Variants in MRPS28 observed in about 807,000 individuals in gnomAD.
MRPS28 encodes small ribosomal subunit protein bS1m.
In MRPS28, 7 loss-of-function variants were observed where a neutral mutation model predicts 10.8. That is an observed-to-expected ratio of 0.65 (90% CI 0.37 to 1.22). The LOEUF (loss-of-function observed/expected upper bound fraction) is 1.22, where lower values mean the gene tolerates loss of function less well. MRPS28 is among the 50% of genes most tolerant of loss of function. The pLI is 0.02. For synonymous variants in MRPS28, 121 were observed against 93.3 expected (o/e 1.30, Z -1.71); for missense variants, 265 against 232.9 (o/e 1.14, Z -0.90).
At chr8:80,018,295 C>CAAAAAAAAAAAA (rs55883340) in intron 1 of MRPS28, among the ~76,000 whole-genome samples, 1 of 53,078 alleles carries the variant, frequency 1.9e-5, no homozygotes, top group Non-Finnish European at 3.2e-5. Flanking sequence ...TACTCTGTCT[C>CAAAAAAAAAAAA]AAAAAAAAAA....
At chr8:79,954,687 TC>T (rs1187931731) in intron 2 of MRPS28, among the ~76,000 whole-genome samples, 1 of 152,222 alleles carries the variant, frequency 6.6e-6, no homozygotes, top group Admixed American at 6.5e-5. Flanking sequence ...CAGTGTTTCC[TC>T]CACTGCAATT....
At chr8:79,993,015 T>C (rs1808407984) in intron 2 of MRPS28, among the ~76,000 whole-genome samples, 1 of 152,156 alleles carries the variant, frequency 6.6e-6, no homozygotes, top group Admixed American at 6.5e-5. Context: ...AAATTCTGAG[T>C]CCCTATGAGT....
At chr8:80,003,630 T>TG (rs1488173297) in intron 1 of MRPS28, among the ~76,000 whole-genome samples, 4 of 152,200 alleles carry the variant, frequency 2.6e-5, no homozygotes. Flanking sequence ...ATTTCACTGG[T>TG]GCTTGTCGGA....
chr8:80,012,440 A>AC (rs1331939965), intron 1 of MRPS28, among the ~76,000 whole-genome samples: 1 of 152,206 alleles, frequency 6.6e-6, no homozygotes, highest in East Asian at 1.9e-4. Flanking sequence ...ATCCATGTTC[A>AC]CTACAGGGAG....
At chr8:79,930,938 G>A (rs569282520) in intron 2 of MRPS28, among the ~76,000 whole-genome samples, 32 of 152,160 alleles carry the variant, frequency 2.1e-4, no homozygotes, top group African/African-American at 6.5e-4. Flanking sequence ...GTAAATAAGA[G>A]CTTTATTGTT....
chr8:79,930,808 A>G (rs1390842171), intron 2 of MRPS28, among the ~76,000 whole-genome samples: 1 of 152,236 alleles, frequency 6.6e-6, no homozygotes, highest in Non-Finnish European at 1.5e-5. Context: ...CTAAATGCTA[A>G]TATCTTATTC....
chr8:80,010,728 C>T lies in MRPS28; in HGVS notation c.214-7548G>A, dbSNP rs560906251. Among the ~76,000 whole-genome samples, 3 of 152,326 alleles carry T rather than the reference C, an allele frequency of 2.0e-5. No homozygotes were observed. In the South Asian group the frequency reaches 6.2e-4, roughly 32 times the overall value. ...GGCCCACGAACCACAAGTTTATGAC[C>T]TCTGCTTCAGGAAAAAGAAAGTCAC... On this transcript the variant is annotated intron_variant, in intron 1 of 2. Coordinates refer to ENST00000276585, the MANE Select transcript of MRPS28 (RefSeq NM_014018.3).
intron 2 of MRPS28, among the ~76,000 whole-genome samples, chr8:79,992,752 T>C (rs761015796): frequency 3.3e-5 from 5 of 152,188 alleles, no homozygotes; most frequent in South Asian, 2.1e-4. Context: ...GTTAACAATA[T>C]AGAGAAGCTA....
At chr8:80,027,793 A>C (rs745977284) in intron 1 of MRPS28, among the ~76,000 whole-genome samples, 1 of 152,248 alleles carries the variant, frequency 6.6e-6, no homozygotes, top group Non-Finnish European at 1.5e-5. Flanking sequence ...AAGATGTCAA[A>C]GACTTGTGAA....
intron 2 of MRPS28, among the ~76,000 whole-genome samples, chr8:80,002,474 C>T (rs893482259): frequency 2.0e-5 from 3 of 152,154 alleles, no homozygotes; most frequent in African/African-American, 7.2e-5. Context: ...TTCAACCTCT[C>T]CTTGACTCTT....
chr8:79,945,573 G>A (rs1369613226), intron 2 of MRPS28, among the ~76,000 whole-genome samples: 1 of 152,064 alleles, frequency 6.6e-6, no homozygotes, highest in East Asian at 1.9e-4. Flanking sequence ...CAGTGGTGAT[G>A]GTTGCAAAAC....
At chr8:80,030,006 GC>G in intron 1 of MRPS28, 29 bp downstream of exon 1, 3 of 1,599,440 alleles carry the variant, frequency 1.9e-6, no homozygotes, top group Non-Finnish European at 2.6e-6. Context: ...CGTAATTCCC[GC>G]GACTCCCTCT....
intron 2 of MRPS28, among the ~76,000 whole-genome samples, chr8:79,969,209 T>C (rs1044812717): frequency 2.0e-5 from 3 of 152,194 alleles, no homozygotes; most frequent in African/African-American, 7.2e-5. Flanking sequence ...ACAGAACTTA[T>C]TTTCATCTCC....
At chr8:79,991,858 A>G (rs533737312) in intron 2 of MRPS28, among the ~76,000 whole-genome samples, 2 of 152,102 alleles carry the variant, frequency 1.3e-5, no homozygotes, top group South Asian at 4.2e-4. Context: ...AGAATATGGC[A>G]GAAGTGACAA....
intron 2 of MRPS28, among the ~76,000 whole-genome samples, chr8:79,978,439 C>A (rs1055543610): frequency 2.0e-5 from 3 of 152,046 alleles, no homozygotes; most frequent in Non-Finnish European, 1.5e-5. Context: ...TCATCTTCAC[C>A]ATGCATTGTG....
At chr8:79,997,151 T>C (rs546654195) in intron 2 of MRPS28, among the ~76,000 whole-genome samples, 1 of 152,312 alleles carries the variant, frequency 6.6e-6, no homozygotes, top group Non-Finnish European at 1.5e-5. Context: ...GTTTGCTGCA[T>C]TAATATGACA....
At chr8:79,926,722 G>C (rs1185233311) in intron 2 of MRPS28, among the ~76,000 whole-genome samples, 1 of 152,186 alleles carries the variant, frequency 6.6e-6, no homozygotes, top group Non-Finnish European at 1.5e-5. Context: ...AAGGTCCAGA[G>C]ATTACTCTGT....
At chr8:79,929,101 CTT>C (rs1806387626) in intron 2 of MRPS28, among the ~76,000 whole-genome samples, 1 of 152,058 alleles carries the variant, frequency 6.6e-6, no homozygotes, top group Non-Finnish European at 1.5e-5. Flanking sequence ...AGTTCATACT[CTT>C]TATTAAAAAC....
At chr8:79,925,529 T>C (rs1292762155) in intron 2 of MRPS28, among the ~76,000 whole-genome samples, 1 of 152,234 alleles carries the variant, frequency 6.6e-6, no homozygotes, top group Non-Finnish European at 1.5e-5. Flanking sequence ...TTGTCTCTTG[T>C]TCAAGCATTG....
Sources: gnomAD v4.1 joint callset for allele counts (sites outside exome capture counted in the v4.1 genomes callset) on GRCh38, gnomAD v4.1.1 for gene constraint, MANE v1.5 for transcripts, NCBI Gene and HGNC (gene_info 2026-07-23, HGNC 2026-07-21) for gene names.